The following RPH3AL variants were observed in gnomAD, a reference collection of about 807,000 sequenced individuals.
RPH3AL encodes rab effector Noc2.
RPH3AL carries 38 observed loss-of-function variants against 43.1 expected under a neutral mutation model. The ratio of observed to expected loss-of-function variants is 0.88; its 90% CI spans 0.68 to 1.15. The LOEUF (loss-of-function observed/expected upper bound fraction) is 1.15, where lower values mean the gene tolerates loss of function less well. Among genes scored for constraint, RPH3AL ranks in the 50% most tolerant of loss-of-function variants. The probability of loss-of-function intolerance (pLI) is 0.00; values close to 1 mark genes in which losing one functional copy is unlikely to be tolerated. For synonymous variants in RPH3AL, 189 were observed against 176.3 expected, an observed-to-expected ratio of 1.07 and a Z score of -0.57; for missense variants, 462 against 423.2, an observed-to-expected ratio of 1.09 and a Z score of -0.81.
At chr17:342,263 G>C (rs1033117236) in intron 1 of RPH3AL, among the ~76,000 whole-genome samples, 1 of 152,196 alleles carries the variant, frequency 6.6e-6, no homozygotes, top group African/African-American at 2.4e-5. Flanking sequence ...TTGTTGGTGG[G>C]AATGGAGATG....
At chr17:305,668 C>G (rs915632610) in intron 5 of RPH3AL, among the ~76,000 whole-genome samples, 5 of 152,118 alleles carry the variant, frequency 3.3e-5, no homozygotes, top group Non-Finnish European at 5.9e-5. Context: ...GGGAAGAAGA[C>G]AGCTTCCCGG....
chr17:315,823 TG>T (rs1299449236), intron 5 of RPH3AL, among the ~76,000 whole-genome samples: 188 of 149,546 alleles, frequency 1.3e-3, no homozygotes, highest in Middle Eastern at 3.5e-3. Context: ...TCCATTGACC[TG>T]TAGTCCCTGT....
intron 5 of RPH3AL, among the ~76,000 whole-genome samples, chr17:282,552 T>C (rs1159649690): frequency 6.6e-6 from 1 of 152,208 alleles, no homozygotes; most frequent in African/African-American, 2.4e-5. Context: ...ACCCCACGCC[T>C]GGGAGCTTCA....
intron 2 of RPH3AL, among the ~76,000 whole-genome samples, chr17:329,620 T>C (rs957945157): frequency 1.1e-4 from 17 of 152,200 alleles, no homozygotes; most frequent in African/African-American, 3.6e-4. Flanking sequence ...CCATTAGACG[T>C]TCACATAATT....
Position 219,556 on chromosome 17 carries a change from G to A in RPH3AL, c.727+67C>T, listed in dbSNP as rs147085649. On this transcript the variant is annotated intron_variant, in intron 8 of 9. Coordinates refer to ENST00000331302, the MANE Select transcript of RPH3AL (RefSeq NM_006987.4). ...TTTTTTTTTTTTGAGATGGAGTTTC[G>A]CTCCTGTTGCCCAGGCTGGAGTGCA... The A allele has an allele frequency of 2.6e-3, 1,020 of 386,726 alleles. 23 individuals carry two copies. The East Asian group carries it at 0.037, about 14-fold the overall frequency. The allele number at this position is 386,726 out of a possible 1,614,324, so 24.0% of individuals were successfully genotyped here. A position where few individuals can be genotyped will look rare whatever the true frequency, so the allele number is the denominator to read the frequency against.
At chr17:244,518 G>T (rs531392667) in intron 7 of RPH3AL, among the ~76,000 whole-genome samples, 106 of 152,228 alleles carry the variant, frequency 7.0e-4, no homozygotes, top group African/African-American at 2.4e-3. Context: ...AGCTGGTGCT[G>T]TGATCAGCTC....
At chr17:313,482 G>C (rs908927097) in intron 5 of RPH3AL, among the ~76,000 whole-genome samples, 1 of 152,182 alleles carries the variant, frequency 6.6e-6, no homozygotes, top group Non-Finnish European at 1.5e-5. Flanking sequence ...ACTGTTCCAG[G>C]GGAAACTTGC....
Position 215,606 on chromosome 17 carries a change from A to G in RPH3AL, c.876+48T>C. On this transcript the variant is annotated intron_variant, in intron 9 of 9. Coordinates refer to ENST00000331302, the MANE Select transcript of RPH3AL (RefSeq NM_006987.4). This position sits in a 1 kb window ranked among gnomAD's most constrained non-coding sequence, Gnocchi z 4.1. ...TTGGGAGGAGTGAGTGAGAGAGGAC[A>G]CGGCCGCGGGGGCAGGAGAGGGGAG... 8.0e-7 allele frequency: 1 copy of G among 1,253,738 alleles called. No individual in the cohort carries two copies. The highest frequency in any genetic ancestry group is 3.1e-4 in the Middle Eastern group (1 of 3,250). 77.7% of individuals were successfully genotyped at this position (1,253,738 alleles called of 1,614,324 possible).
intron 5 of RPH3AL, among the ~76,000 whole-genome samples, chr17:310,060 C>T (rs7502120): frequency 0.57 from 85,949 of 151,804 alleles, 24,979 homozygotes; most frequent in East Asian, 0.68. Context: ...AAAAAAACGA[C>T]TGCTTCCCTC....
At chr17:250,333 T>C (rs2041868559) in intron 6 of RPH3AL, among the ~76,000 whole-genome samples, 3 of 118,048 alleles carry the variant, frequency 2.5e-5, no homozygotes, top group African/African-American at 3.4e-5. Context: ...CCAAGCTCCG[T>C]CGCTGCGGGA....
At chr17:335,805 T>C (rs2044938497) in intron 1 of RPH3AL, 1 of 152,074 alleles carries the variant, frequency 6.6e-6, no homozygotes. Flanking sequence ...GCTTCGCAGG[T>C]GGCGCCTGCA....
intron 5 of RPH3AL, among the ~76,000 whole-genome samples, chr17:304,978 C>T (rs1184594444): frequency 2.8e-5 from 1 of 35,438 alleles, no homozygotes; most frequent in East Asian, 7.0e-4. Context: ...GGGGACAGGG[C>T]GGGAGGGGGA....
chr17:327,626 G>A (rs1429829149), intron 2 of RPH3AL, 47 bp from the exon 3 acceptor site: 2 of 1,287,140 alleles, frequency 1.6e-6, no homozygotes, highest in Non-Finnish European at 2.2e-6. Context: ...ATTGGCTGGG[G>A]TACAGATGGC....
At position 225,098 on chromosome 17, in the gene RPH3AL, G is replaced by C. The variant is rs551227569; in HGVS notation, c.614-5362C>G. Among the ~76,000 whole-genome samples, 18 of 145,000 alleles carry C rather than the reference G, an allele frequency of 1.2e-4. No individual in the cohort carries two copies. The highest frequency in any genetic ancestry group is 1.7e-4 in the Non-Finnish European group (11 of 66,300). ...CTGCACGTTATGCACATGTACCCTA[G>C]AACTTAAAATATAATGGAAAAAAAA... On this transcript the variant is annotated intron_variant, in intron 7 of 9. Coordinates refer to ENST00000331302, the MANE Select transcript of RPH3AL (RefSeq NM_006987.4). The surrounding 1 kb of genome is among the most constrained non-coding windows in gnomAD (Gnocchi z 4.4).
chr17:310,759 G>A (rs1019161945), intron 5 of RPH3AL, among the ~76,000 whole-genome samples: 1 of 152,184 alleles, frequency 6.6e-6, no homozygotes, highest in Non-Finnish European at 1.5e-5. Context: ...GACACCAGTC[G>A]GTGTGCGATA....
At chr17:285,041 C>T (rs1051821077) in intron 5 of RPH3AL, among the ~76,000 whole-genome samples, 3 of 152,224 alleles carry the variant, frequency 2.0e-5, no homozygotes, top group African/African-American at 4.8e-5. Context: ...ATCTGCGTGA[C>T]GGCTTCAACG....
rs1460823008 is a variant in RPH3AL at position 264,717 on chromosome 17, C to T, written c.438+17051G>A. On this transcript the variant is annotated intron_variant, in intron 6 of 9. Transcript: ENST00000331302. This position sits in a 1 kb window ranked among gnomAD's most constrained non-coding sequence, Gnocchi z 4.8. ...CTAAGCGTGGAGGATGACCCTTCCA[C>T]CTGTGACCGGTATCAGCAAAAATGG... Among the ~76,000 whole-genome samples the T allele has an allele frequency of 6.6e-6, 1 of 152,194 alleles. No individual in the cohort carries two copies. The highest frequency in any genetic ancestry group is 6.5e-5 in the Admixed American group (1 of 15,274).
intron 1 of RPH3AL, among the ~76,000 whole-genome samples, chr17:348,752 G>A (rs771324457): frequency 2.7e-4 from 41 of 152,156 alleles, no homozygotes; most frequent in Non-Finnish European, 5.3e-4. Context: ...AGGAAGGTAC[G>A]TACTGTCCAT....
Position 213,749 on chromosome 17 carries a change from C to T in RPH3AL, c.*103G>A, listed in dbSNP as rs2040724704. ...CCAACACTGGTTTGTTGAGTCATGG[C>T]CAACAGGGTGTCTGGTGAGGGCACA... is the stretch of plus-strand genomic sequence containing the variant. On this transcript the variant is annotated 3_prime_UTR_variant, in exon 10 of 10. Transcript: ENST00000331302. The T allele has an allele frequency of 1.2e-5, 11 of 927,598 alleles. No homozygotes were observed. Among genetic ancestry groups the T allele is most frequent in the Non-Finnish European group, 1.9e-5 (11 of 582,276 alleles). The allele number at this position is 927,598 out of a possible 1,614,324, so 57.5% of individuals were successfully genotyped here. A position where few individuals can be genotyped will look rare whatever the true frequency, so the allele number is the denominator to read the frequency against.
Sources: allele counts gnomAD v4.1 joint callset (sites outside exome capture counted in the v4.1 genomes callset), GRCh38; gene constraint gnomAD v4.1.1; non-coding constraint Gnocchi (gnomAD v3.1); transcripts MANE v1.5; gene names NCBI Gene and HGNC (gene_info 2026-07-23, HGNC 2026-07-21).